UTRN: variants seen among roughly 807,000 people sequenced by gnomAD.
UTRN encodes the protein dystrophin-related protein 1.
In UTRN, 283 loss-of-function variants were observed where a neutral mutation model predicts 463.9. The observed-to-expected ratio is 0.61, with a 90% CI of 0.55 to 0.67. The LOEUF is 0.67. Ranked by LOEUF, UTRN falls within the 30% of genes least tolerant of loss-of-function variation. The pLI is 0.00. For missense variants in UTRN, 3,922 were observed against 4,084.3 expected, an observed-to-expected ratio of 0.96 and a Z score of 1.08; for synonymous variants, 1,442 against 1,431.5, an observed-to-expected ratio of 1.01 and a Z score of -0.17.
intron 2 of UTRN, among the ~76,000 whole-genome samples, chr6:144,309,649 T>C (rs1044977118): frequency 1.3e-5 from 2 of 152,218 alleles, no homozygotes; most frequent in Non-Finnish European, 2.9e-5. Context: ...TTTCTGGAAT[T>C]GCCTCCTTAC....
intron 53 of UTRN, among the ~76,000 whole-genome samples, chr6:144,715,364 T>TTCCA (rs1786284207): frequency 6.6e-6 from 1 of 152,158 alleles, no homozygotes; most frequent in Non-Finnish European, 1.5e-5. Context: ...TCTCTGGAAG[T>TTCCA]ATCAGTCCAG....
At chr6:144,798,285 G>A (rs979373804) in intron 64 of UTRN, among the ~76,000 whole-genome samples, 9 of 152,138 alleles carry the variant, frequency 5.9e-5, no homozygotes, top group Non-Finnish European at 8.8e-5. Context: ...CATGAAAACT[G>A]TATGGCTGAT....
intron 65 of UTRN, among the ~76,000 whole-genome samples, chr6:144,807,029 A>T (rs1324907508): frequency 6.6e-6 from 1 of 152,142 alleles, no homozygotes; most frequent in Non-Finnish European, 1.5e-5. Flanking sequence ...TCAAGTGTGA[A>T]TTTGTTTGGT....
At chr6:144,344,447 T>C in intron 2 of UTRN, 1 of 947,100 alleles carries the variant, frequency 1.1e-6, no homozygotes, top group South Asian at 1.6e-5. Flanking sequence ...CTGTCTTTCC[T>C]GCTGCCACGT....
At chr6:144,847,007 C>G (rs1048674793) in intron 74 of UTRN, among the ~76,000 whole-genome samples, 180 bp downstream of exon 74, 2 of 152,324 alleles carry the variant, frequency 1.3e-5, no homozygotes, top group East Asian at 3.9e-4. Flanking sequence ...GGGTGGCTCC[C>G]AAGCCACAGA....
intron 53 of UTRN, among the ~76,000 whole-genome samples, chr6:144,721,307 A>T (rs1190455520): frequency 6.6e-6 from 1 of 152,140 alleles, no homozygotes; most frequent in Non-Finnish European, 1.5e-5. Context: ...AAACTCCTGG[A>T]GCCAAGCAGT....
intron 50 of UTRN, among the ~76,000 whole-genome samples, chr6:144,568,352 A>G (rs1472615603): frequency 6.6e-6 from 1 of 152,156 alleles, no homozygotes; most frequent in Non-Finnish European, 1.5e-5. Flanking sequence ...AAAGATTTAG[A>G]AAAAAATTTC....
chr6:144,406,610 G>T lies in UTRN; in HGVS notation c.141+3426G>T, dbSNP rs920404359. 2.6e-5 allele frequency among the ~76,000 whole-genome samples: 4 copies of T among 152,046 alleles called. No homozygotes were observed. The East Asian group carries it at 5.8e-4, about 22-fold the overall frequency. ...TCAAACTCCTGACCTCAAGTGATCC[G>T]CCTGCCTCGACCTCCCAAAGTGCTG... On this transcript the variant is annotated intron_variant, in intron 3 of 74. Transcript: ENST00000367545.
intron 2 of UTRN, among the ~76,000 whole-genome samples, chr6:144,332,794 C>G (rs1776428882): frequency 6.6e-6 from 1 of 151,976 alleles, no homozygotes; most frequent in Admixed American, 6.6e-5. Context: ...TGGTGATTTA[C>G]TCTTATCTGT....
chr6:144,384,597 C>T (rs990140901), intron 2 of UTRN, among the ~76,000 whole-genome samples: 7 of 152,128 alleles, frequency 4.6e-5, no homozygotes, highest in Non-Finnish European at 1.0e-4. Flanking sequence ...CCTCCTAGCC[C>T]TTGGCAACCA....
Position 144,488,835 on chromosome 6 carries a change from G to C in UTRN, c.4134+1G>C. The C allele has an allele frequency of 6.3e-7, 1 of 1,586,722 alleles. No individual in the cohort carries two copies. The highest frequency in any genetic ancestry group is 8.6e-7 in the Non-Finnish European group (1 of 1,163,712). On this transcript the variant is annotated splice_donor_variant, in intron 30 of 74. Transcript: ENST00000367545. LOFTEE classifies it high-confidence loss of function. ...TTTCCAAGTTCCACAGGAAGCTCAG[G>C]TATTGCCGTGCATTTGAGGGCTTTT...
chr6:144,373,289 G>A (rs1030973148), intron 2 of UTRN, among the ~76,000 whole-genome samples: 23 of 152,288 alleles, frequency 1.5e-4, no homozygotes, highest in Middle Eastern at 6.8e-3. Flanking sequence ...GCCGACGAAT[G>A]GATCAACAAA....
Position 144,748,391 on chromosome 6 carries a change from C to T in UTRN, c.8085C>T (p.Asp2695=). 1.2e-6 allele frequency: 2 copies of T among 1,613,814 alleles called. No individual in the cohort carries two copies. The highest frequency in any genetic ancestry group is 8.5e-7 in the Non-Finnish European group (1 of 1,179,906). The part of the protein sequence containing the change: ...QVDKALEKLR[D]LQGAMDDLDA... ...ACAAGGCATTGGAGAAACTCAGAGA[C>T]CTGCAGGGAGCTATGGATGACCTGG... is the stretch of plus-strand genomic sequence containing the variant. Residue 2695 remains aspartate, a synonymous_variant, in exon 55 of 75, where the codon GAC becomes GAT. Coordinates refer to ENST00000367545, the MANE Select transcript of UTRN (RefSeq NM_007124.3).
intron 32 of UTRN, 111 bp downstream of exon 32, chr6:144,491,213 T>A: frequency 9.8e-7 from 1 of 1,016,854 alleles, no homozygotes; most frequent in Non-Finnish European, 1.4e-6. Context: ...TACAGTGTGC[T>A]AAACATAAGG....
chr6:144,835,838 G>T lies in UTRN; in HGVS notation c.9724G>T (p.Val3242Leu). The T allele has an allele frequency of 6.2e-7, 1 of 1,614,124 alleles. No individual in the cohort carries two copies. The highest frequency in any genetic ancestry group is 8.5e-7 in the Non-Finnish European group (1 of 1,180,000). Residue 3242 changes from valine (V) to leucine (L), a missense_variant, in exon 70 of 75, where the codon GTG becomes TTG. Coordinates refer to ENST00000367545, the MANE Select transcript of UTRN (RefSeq NM_007124.3). ...YCQTLGGESP[V>L]SQPQSPAQIL... is the part of the protein sequence containing the mutation. Reference sequence around the variant, plus strand: ...CCAAACACTCGGAGGAGAGTCCCCAGTGAGCCAGCCGCAGAGCCCAGCTCA... The same window carrying T: ...CCAAACACTCGGAGGAGAGTCCCCATTGAGCCAGCCGCAGAGCCCAGCTCA...
intron 51 of UTRN, among the ~76,000 whole-genome samples, chr6:144,653,070 T>C (rs529121669): frequency 6.6e-6 from 1 of 152,198 alleles, no homozygotes; most frequent in Non-Finnish European, 1.5e-5. Context: ...TCACACAGTA[T>C]AAAAGATTGA....
intron 42 of UTRN, 131 bp downstream of exon 42, chr6:144,531,333 C>G: frequency 2.0e-6 from 2 of 977,734 alleles, no homozygotes; most frequent in Non-Finnish European, 2.7e-6. Flanking sequence ...ATTTTTGTTC[C>G]AATTCTTGTT....
chr6:144,706,912 C>T (rs1785156369), intron 53 of UTRN: 1 of 152,098 alleles, frequency 6.6e-6, no homozygotes, highest in Admixed American at 6.6e-5. Context: ...AGTGAAATTA[C>T]AGCATAAAGA....
intron 56 of UTRN, among the ~76,000 whole-genome samples, 170 bp from the exon 57 acceptor site, chr6:144,754,550 T>C (rs1221772139): frequency 3.3e-5 from 5 of 151,284 alleles, no homozygotes; most frequent in African/African-American, 9.7e-5. Context: ...TTTTTTTTTT[T>C]TTACCATTAC....
Sources: gnomAD v4.1 joint callset for allele counts (sites outside exome capture counted in the v4.1 genomes callset) on GRCh38, gnomAD v4.1.1 for gene constraint, MANE v1.5 for transcripts, NCBI Gene and HGNC (gene_info 2026-07-23, HGNC 2026-07-21) for gene names.